The following RUNX2 variants were observed in gnomAD, a reference collection of about 807,000 sequenced individuals.
RUNX2 encodes RUNX family transcription factor 2, also known as runt-related transcription factor 2.
In RUNX2, 10 loss-of-function variants were observed where a neutral mutation model predicts 51.7. The ratio of observed to expected loss-of-function variants is 0.19; its 90% confidence interval spans 0.12 to 0.33. The LOEUF (loss-of-function observed/expected upper bound fraction) is 0.33. Ranked by LOEUF, RUNX2 falls within the 10% of genes least tolerant of loss-of-function variation. The pLI, the probability that RUNX2 is intolerant of heterozygous loss-of-function variation, is 1.00. For synonymous variants in RUNX2, 276 were observed against 273.6 expected, an observed-to-expected ratio of 1.01 and a Z score of -0.09; for missense variants, 562 against 691.3, an observed-to-expected ratio of 0.81 and a Z score of 2.10.
Position 45,384,265 on chromosome 6 carries a change from TG to T in RUNX2, c.59-38324del, listed in dbSNP as rs199922898. Among the ~76,000 whole-genome samples, 6 of 151,884 alleles carry T rather than the reference TG, an allele frequency of 4.0e-5. No homozygotes were observed. In the East Asian group the frequency reaches 1.2e-3, roughly 29 times the overall value. On this transcript the variant is annotated intron_variant, in intron 2 of 8. Transcript: ENST00000647337. Reference sequence around the variant, plus strand: ...GTTTTCCAGGGGTGGGGGGAGTGGTTGGGGTTTTTTTTGTTTGTTTGTTTGT... The same window carrying T: ...GTTTTCCAGGGGTGGGGGGAGTGGTTGGGTTTTTTTTGTTTGTTTGTTTGT...
In RUNX2 at chr6:45,345,752, C is replaced by T. The variant is rs186760121; in HGVS notation, c.58+16968C>T. Among the ~76,000 whole-genome samples, 323 of 152,176 alleles carry T rather than the reference C, an allele frequency of 2.1e-3. 1 individual carries two copies. Among genetic ancestry groups the T allele is most frequent in the African/African-American group, 7.4e-3 (308 of 41,530 alleles). On this transcript the variant is annotated intron_variant, in intron 2 of 8. Coordinates refer to ENST00000647337, the MANE Select transcript of RUNX2 (RefSeq NM_001024630.4). ...CTTCTTAATGAGTATCAATGCACACCGTACCTTTATCTTTCAAACATTTTT... is the reference window on the plus strand; with the variant it reads ...CTTCTTAATGAGTATCAATGCACACTGTACCTTTATCTTTCAAACATTTTT...
intron 5 of RUNX2, among the ~76,000 whole-genome samples, chr6:45,465,042 T>G (rs1050596723): frequency 3.3e-5 from 5 of 152,218 alleles, no homozygotes; most frequent in African/African-American, 1.2e-4. Context: ...GTTTATAAGC[T>G]GGGGAAATAC....
chr6:45,524,462 C>T (rs1440257181), intron 7 of RUNX2, among the ~76,000 whole-genome samples: 5 of 152,018 alleles, frequency 3.3e-5, no homozygotes, highest in Admixed American at 3.3e-4. Context: ...ATCGCCATCT[C>T]GCGCTGTACC....
At position 45,547,309 on chromosome 6, in the gene RUNX2, T is replaced by C. The variant is rs1476156580; in HGVS notation, c.*4T>C. 6.2e-7 allele frequency: 1 copy of C among 1,610,362 alleles called. No homozygotes were observed. On this transcript the variant is annotated 3_prime_UTR_variant, in exon 9 of 9. Coordinates refer to ENST00000647337, the MANE Select transcript of RUNX2 (RefSeq NM_001024630.4). ...ATCTGTTTGGCGACCATATTGAAAT[T>C]CCTCAGCAGTGGCCCAGTGGTATCT...
chr6:45,396,631 C>T (rs535204653), intron 2 of RUNX2, among the ~76,000 whole-genome samples: 1 of 152,314 alleles, frequency 6.6e-6, no homozygotes, highest in African/African-American at 2.4e-5. Context: ...CTCTCAAATT[C>T]CTGGGCTCCA....
intron 2 of RUNX2, among the ~76,000 whole-genome samples, chr6:45,380,152 A>C (rs552693823): frequency 3.3e-5 from 5 of 152,354 alleles, no homozygotes; most frequent in African/African-American, 1.2e-4. Flanking sequence ...CATTACATTC[A>C]TATCAAATAT....
intron 5 of RUNX2, among the ~76,000 whole-genome samples, chr6:45,458,756 G>A (rs1235320902): frequency 6.6e-6 from 1 of 152,130 alleles, no homozygotes; most frequent in Non-Finnish European, 1.5e-5. Flanking sequence ...ATAATCTGTG[G>A]CAGGAGGGAA....
chr6:45,499,075 A>G (rs1314406374), intron 6 of RUNX2, among the ~76,000 whole-genome samples: 3 of 152,198 alleles, frequency 2.0e-5, no homozygotes, highest in African/African-American at 7.2e-5. Context: ...GTGGGAGTCA[A>G]GTGAATTCTC....
At chr6:45,542,703 G>A (rs970593199) in intron 7 of RUNX2, among the ~76,000 whole-genome samples, 1 of 152,196 alleles carries the variant, frequency 6.6e-6, no homozygotes, top group East Asian at 1.9e-4. Context: ...GAGATATTTT[G>A]AGTATTTTTC....
At chr6:45,347,399 G>C (rs899454734) in intron 2 of RUNX2, among the ~76,000 whole-genome samples, 1 of 151,918 alleles carries the variant, frequency 6.6e-6, no homozygotes, top group African/African-American at 2.4e-5. Context: ...AAATCTTTTG[G>C]TGGTAGATGT....
At chr6:45,489,636 C>T (rs1218807702) in intron 5 of RUNX2, among the ~76,000 whole-genome samples, 1 of 152,188 alleles carries the variant, frequency 6.6e-6, no homozygotes, top group Non-Finnish European at 1.5e-5. Flanking sequence ...AGGGACAATT[C>T]CGTAAGCTTT....
intron 2 of RUNX2, among the ~76,000 whole-genome samples, chr6:45,341,758 C>T (rs1027649939): frequency 6.6e-6 from 1 of 152,104 alleles, no homozygotes; most frequent in Non-Finnish European, 1.5e-5. Flanking sequence ...TTCTGGTACC[C>T]TATCTGGCAA....
At chr6:45,476,095 G>T (rs1281238362) in intron 5 of RUNX2, among the ~76,000 whole-genome samples, 1 of 152,162 alleles carries the variant, frequency 6.6e-6, no homozygotes, top group Admixed American at 6.5e-5. Context: ...TGTACTAGTT[G>T]CATTGGATCC....
chr6:45,510,317 A>G (rs1801103430), intron 6 of RUNX2, among the ~76,000 whole-genome samples: 1 of 152,240 alleles, frequency 6.6e-6, no homozygotes, highest in African/African-American at 2.4e-5. Context: ...AAACTCAGGT[A>G]AATGTTCTTT....
intron 5 of RUNX2, among the ~76,000 whole-genome samples, chr6:45,489,277 AG>A (rs1377802592): frequency 6.6e-6 from 1 of 152,204 alleles, no homozygotes; most frequent in Non-Finnish European, 1.5e-5. Flanking sequence ...AAGATCATGA[AG>A]GGTTTTAAAA....
intron 7 of RUNX2, among the ~76,000 whole-genome samples, chr6:45,523,567 G>A (rs1801573602): frequency 6.6e-6 from 1 of 151,410 alleles, no homozygotes; most frequent in South Asian, 2.1e-4. Context: ...CACTGCGCCC[G>A]GCCTGCATGA....
At chr6:45,541,554 C>T (rs552706945) in intron 7 of RUNX2, among the ~76,000 whole-genome samples, 1 of 152,212 alleles carries the variant, frequency 6.6e-6, no homozygotes, top group South Asian at 2.1e-4. Flanking sequence ...GAAGCAATAA[C>T]TCCTACCATT....
chr6:45,375,677 G>A (rs1796677881), intron 2 of RUNX2, among the ~76,000 whole-genome samples: 1 of 152,076 alleles, frequency 6.6e-6, no homozygotes, highest in South Asian at 2.1e-4. Context: ...CCAAAGTGCT[G>A]GGATTACAAG....
At chr6:45,474,084 A>G (rs1039829672) in intron 5 of RUNX2, among the ~76,000 whole-genome samples, 2 of 152,168 alleles carry the variant, frequency 1.3e-5, no homozygotes, top group Non-Finnish European at 1.5e-5. Context: ...CCCTGAAAAC[A>G]CATCTTAAGG....
Sources: gnomAD v4.1 joint callset for allele counts (sites outside exome capture counted in the v4.1 genomes callset) on GRCh38, gnomAD v4.1.1 for gene constraint, MANE v1.5 for transcripts, NCBI Gene and HGNC (gene_info 2026-07-23, HGNC 2026-07-21) for gene names.